GALNT16: variants seen among roughly 807,000 people sequenced by gnomAD.
GALNT16 encodes UDP-GalNAc:polypeptide N-acetylgalactosaminyltransferase-like protein 1.
In GALNT16, 40 loss-of-function variants were observed where a neutral mutation model predicts 76.1. The ratio of observed to expected loss-of-function variants is 0.53; its 90% CI spans 0.41 to 0.68. The LOEUF (loss-of-function observed/expected upper bound fraction) is 0.68, where lower values mean the gene tolerates loss of function less well. Among genes scored for constraint, GALNT16 ranks in the 30% least tolerant of loss-of-function variants. The pLI, the probability that GALNT16 is intolerant of heterozygous loss-of-function variation, is 0.00. For missense variants in GALNT16, 621 were observed against 731.9 expected (o/e 0.85, Z 1.75); for synonymous variants, 276 against 285.2 (o/e 0.97, Z 0.32).
chr14:69,380,223 T>A, the GALNT16 span: 1 of 186,726 alleles, frequency 5.4e-6, no homozygotes, highest in Non-Finnish European at 1.1e-5. Flanking sequence ...TGAAGAAGGG[T>A]TAGTATGTGA....
At chr14:69,375,716 C>A in the GALNT16 span, among the ~76,000 whole-genome samples, 2 of 152,154 alleles carry the variant, frequency 1.3e-5, no homozygotes, top group East Asian at 3.8e-4. Flanking sequence ...TCACTGAAGC[C>A]GTGAACTTCT....
rs767667492 is a variant in GALNT16 at position 69,260,258 on chromosome 14, C to T, written c.-33C>T. 6.2e-7 allele frequency: 1 copy of T among 1,602,338 alleles called. No individual in the cohort carries two copies. On this transcript the variant is annotated 5_prime_UTR_variant, in exon 1 of 15. Transcript: ENST00000448469. ...CCCCGGCCCCGAGAGCACGCCGGCC[C>T]AGTCCCCCACCTGGGGCGCCCGTCT...
chr14:69,338,616 C>A, intron 9 of GALNT16, 35 bp from the exon 10 acceptor site: 1 of 1,603,712 alleles, frequency 6.2e-7, no homozygotes. Context: ...GCCAAGGAAC[C>A]CCTTCCTCCT....
rs1040891207 is a variant in GALNT16, at chr14:69,348,254, G to A, written c.1539+252G>A. Reference sequence around the variant, plus strand: ...AGCTCCATGAAGGCAGGGACCACTTGTCTTGTTAACACTGTATCCCTAGCT... The same window carrying A: ...AGCTCCATGAAGGCAGGGACCACTTATCTTGTTAACACTGTATCCCTAGCT... On this transcript the variant is annotated intron_variant, in intron 14 of 14. Coordinates refer to ENST00000448469, the MANE Select transcript of GALNT16 (RefSeq NM_001168368.2). 4.5e-5 allele frequency: 27 copies of A among 595,456 alleles called. No homozygotes were observed. In the African/African-American group the frequency reaches 4.8e-4, roughly 11 times the overall value. 36.9% of individuals were successfully genotyped at this position (595,456 alleles called of 1,614,324 possible).
At chr14:69,312,268 A>T (rs916560083) in intron 1 of GALNT16, among the ~76,000 whole-genome samples, 9 of 152,222 alleles carry the variant, frequency 5.9e-5, no homozygotes, top group African/African-American at 1.9e-4. Flanking sequence ...AATTTTTTTT[A>T]AATTAACTGT....
chr14:69,336,392 G>A (rs2045415670), intron 9 of GALNT16, among the ~76,000 whole-genome samples: 1 of 152,200 alleles, frequency 6.6e-6, no homozygotes, highest in African/African-American at 2.4e-5. Flanking sequence ...GGTTGTAGGC[G>A]TGAGCCACCG....
At chr14:69,342,489 G>GGAGGGAGGGAGA (rs2045503156) in intron 12 of GALNT16, among the ~76,000 whole-genome samples, 1 of 72,014 alleles carries the variant, frequency 1.4e-5, no homozygotes, top group Admixed American at 1.3e-4. Context: ...AGGGAGGGAG[G>GGAGGGAGGGAGA]GAGGGAGGGA....
downstream of GALNT16, among the ~76,000 whole-genome samples, chr14:69,361,612 C>A (rs1414621678): frequency 2.0e-5 from 3 of 152,190 alleles, no homozygotes; most frequent in Non-Finnish European, 4.4e-5. Context: ...ATCCCGTATC[C>A]TTACATGGCT....
At chr14:69,304,205 C>T (rs957998134) in intron 1 of GALNT16, among the ~76,000 whole-genome samples, 7 of 152,132 alleles carry the variant, frequency 4.6e-5, no homozygotes, top group African/African-American at 1.4e-4. Context: ...TAAGTTTACC[C>T]CTTCAGTTCT....
chr14:69,333,415 C>A lies in GALNT16; in HGVS notation c.864-82C>A. ...CTGCAGGGAGGGATCTAGAGGCAGA[C>A]GGTCTTGGGTCCTGGGGCCATCTAA... On this transcript the variant is annotated intron_variant, in intron 8 of 14. Coordinates refer to ENST00000448469, the MANE Select transcript of GALNT16 (RefSeq NM_001168368.2). The surrounding 1 kb of genome is among the most constrained non-coding windows in gnomAD (Gnocchi z 4.2). 1 of 839,154 alleles carries A rather than the reference C, an allele frequency of 1.2e-6. No individual in the cohort carries two copies. Among genetic ancestry groups the A allele is most frequent in the Non-Finnish European group, 2.0e-6 (1 of 492,340 alleles). 52.0% of individuals were successfully genotyped at this position (839,154 alleles called of 1,614,324 possible). A position where few individuals can be genotyped will look rare whatever the true frequency, so the allele number is the denominator to read the frequency against.
At position 69,341,690 on chromosome 14, in the gene GALNT16, G is replaced by A. The variant is rs547811499; in HGVS notation, c.1197G>A (p.Thr399=). ...AIGKAFGSVA[T]RIEQRKKMNC... ...CTGCCTCCTCCTACAGTGTGGCTAC[G>A]CGGATAGAGCAGAGGAAGAAGATGA... The change falls in exon 12 of 15, where the codon ACG becomes ACA. Residue 399 remains threonine (T), a synonymous_variant. Transcript: ENST00000448469. 1.6e-5 allele frequency: 25 copies of A among 1,611,372 alleles called. No homozygotes were observed. The highest frequency in any genetic ancestry group is 6.7e-5 in the African/African-American group (5 of 74,974).
chr14:69,341,058 T>C (rs183665008), intron 11 of GALNT16, among the ~76,000 whole-genome samples: 106 of 152,320 alleles, frequency 7.0e-4, no homozygotes, highest in Admixed American at 2.5e-3. Flanking sequence ...AACATTTACT[T>C]AGCACCTGCC....
At chr14:69,272,950 C>T (rs1395367151) in intron 1 of GALNT16, among the ~76,000 whole-genome samples, 1 of 152,208 alleles carries the variant, frequency 6.6e-6, no homozygotes, top group Non-Finnish European at 1.5e-5. Context: ...CAGTGATGAA[C>T]TTGCCTAATG....
chr14:69,300,791 T>G (rs2044840501), intron 1 of GALNT16, among the ~76,000 whole-genome samples: 1 of 151,974 alleles, frequency 6.6e-6, no homozygotes, highest in Admixed American at 6.6e-5. Flanking sequence ...AAAGCAAAAC[T>G]CCTGTTCCTA....
downstream of GALNT16, among the ~76,000 whole-genome samples, chr14:69,359,957 A>G (rs1429351867): frequency 2.0e-5 from 3 of 150,940 alleles, no homozygotes; most frequent in Admixed American, 2.0e-4. Context: ...CCCAGGAGGC[A>G]GAGGTTGCAG....
At chr14:69,271,352 G>A (rs566783918) in intron 1 of GALNT16, among the ~76,000 whole-genome samples, 1 of 152,320 alleles carries the variant, frequency 6.6e-6, no homozygotes, top group South Asian at 2.1e-4. Flanking sequence ...CAGCGCTGGG[G>A]CAAAGCTGAG....
chr14:69,308,187 G>A (rs1034836316), intron 1 of GALNT16, among the ~76,000 whole-genome samples: 3 of 152,178 alleles, frequency 2.0e-5, no homozygotes, highest in Non-Finnish European at 4.4e-5. Context: ...CTCTGAGGAT[G>A]ATGATGATAA....
Position 69,295,824 on chromosome 14 carries a change from A to T in GALNT16, c.178-24887A>T, listed in dbSNP as rs192331262. 2.0e-5 allele frequency among the ~76,000 whole-genome samples: 3 copies of T among 152,218 alleles called. No individual in the cohort carries two copies. The East Asian group carries it at 5.8e-4, about 29-fold the overall frequency. On this transcript the variant is annotated intron_variant, in intron 1 of 14. Transcript: ENST00000448469. ...GAGTACTTAATTTCTCATAGGTAATATATTAATCAGGTTCTAAGACCAAGG... is the reference window on the plus strand; with the variant it reads ...GAGTACTTAATTTCTCATAGGTAATTTATTAATCAGGTTCTAAGACCAAGG...
rs1286615172 is a variant in GALNT16, at chr14:69,309,270, A to ATCTT, written c.178-11428_178-11425dup. Among the ~76,000 whole-genome samples, 230 of 150,906 alleles carry ATCTT rather than the reference A, an allele frequency of 1.5e-3. 4 individuals are homozygous for ATCTT. Among genetic ancestry groups the ATCTT allele is most frequent in the Non-Finnish European group, 9.0e-4 (61 of 67,586 alleles). ...TCTTGAGATGTGCCACCTACGTTTC[A>ATCTT]TCTTTCTTTCTTTCTTCCTTTCTTT... On this transcript the variant is annotated intron_variant, in intron 1 of 14. Coordinates refer to ENST00000448469, the MANE Select transcript of GALNT16 (RefSeq NM_001168368.2).
Sources: gnomAD v4.1 joint callset for allele counts (sites outside exome capture counted in the v4.1 genomes callset) on GRCh38, gnomAD v4.1.1 for gene constraint, Gnocchi (gnomAD v3.1) non-coding constraint, MANE v1.5 for transcripts, NCBI Gene and HGNC (gene_info 2026-07-23, HGNC 2026-07-21) for gene names.